The following MAP3K13 variants were observed in gnomAD, a reference collection of about 807,000 sequenced individuals.
MAP3K13 encodes mitogen-activated protein kinase kinase kinase 13.
Under a neutral mutation model 104.0 loss-of-function variants are expected in MAP3K13, and 52 were observed. The ratio of observed to expected loss-of-function variants is 0.50; its 90% confidence interval spans 0.40 to 0.63. The LOEUF is 0.63. Ranked by LOEUF, MAP3K13 falls within the 20% of genes least tolerant of loss-of-function variation. The pLI, the probability that MAP3K13 is intolerant of heterozygous loss-of-function variation, is 0.00. For missense variants in MAP3K13, 914 were observed against 1,218.5 expected (o/e 0.75, Z 3.72); for synonymous variants, 394 against 442.2 (o/e 0.89, Z 1.37).
At position 185,482,462 on chromosome 3, in the gene MAP3K13, G is replaced by T. The variant is rs1718521162; in HGVS notation, c.*6G>T. ...ACAGCTCTGCTACCTGGTAATGAAGGAATACACATCCTGAAGATCTCGTGA... is the reference window on the plus strand; with the variant it reads ...ACAGCTCTGCTACCTGGTAATGAAGTAATACACATCCTGAAGATCTCGTGA... On this transcript the variant is annotated 3_prime_UTR_variant, in exon 14 of 14. Coordinates refer to ENST00000265026, the MANE Select transcript of MAP3K13 (RefSeq NM_004721.5). The surrounding 1 kb of genome is among the most constrained non-coding windows in gnomAD (Gnocchi z 4.5). The T allele has an allele frequency of 6.3e-7, 1 of 1,598,946 alleles. No homozygotes were observed. The highest frequency in any genetic ancestry group is 8.6e-7 in the Non-Finnish European group (1 of 1,166,522).
chr3:185,452,806 A>G (rs572090382), intron 7 of MAP3K13, among the ~76,000 whole-genome samples: 45 of 152,266 alleles, frequency 3.0e-4, no homozygotes, highest in African/African-American at 1.0e-3. Flanking sequence ...GCTTGTTCAC[A>G]TAGTGTTCTC....
chr3:185,346,821 G>A (rs1206306097), intron 2 of MAP3K13, among the ~76,000 whole-genome samples: 1 of 151,986 alleles, frequency 6.6e-6, no homozygotes, highest in African/African-American at 2.4e-5. Flanking sequence ...AAGGGTGCAA[G>A]ATTTTTTCTG....
chr3:185,470,822 T>TA (rs1717731485), intron 10 of MAP3K13, among the ~76,000 whole-genome samples: 1 of 152,172 alleles, frequency 6.6e-6, no homozygotes, highest in South Asian at 2.1e-4. Context: ...AGATAACAAT[T>TA]AAAAATATAA....
intron 2 of MAP3K13, among the ~76,000 whole-genome samples, chr3:185,329,521 T>C (rs1722167670): frequency 6.6e-6 from 1 of 152,262 alleles, no homozygotes; most frequent in South Asian, 2.1e-4. Context: ...GGAAGAACTT[T>C]GTAAAACAGA....
At chr3:185,291,727 G>T (rs1463289143) in intron 2 of MAP3K13, 10 of 1,508,300 alleles carry the variant, frequency 6.6e-6, no homozygotes, top group Non-Finnish European at 8.8e-6. Context: ...AGTCTCATCT[G>T]CATTAAAGCT....
In MAP3K13 at chr3:185,411,940, C is replaced by T. The variant is rs946746794; in HGVS notation, c.-85-16557C>T. Among the ~76,000 whole-genome samples the T allele has an allele frequency of 3.3e-5, 5 of 151,918 alleles. No individual in the cohort carries two copies. In the East Asian group the frequency reaches 7.7e-4, roughly 24 times the overall value. On this transcript the variant is annotated intron_variant, in intron 1 of 13. Transcript: ENST00000265026. ...GCTGGGACTACAGGTGTGTACAACA[C>T]GCCCAACTAATTTTTGTATTTTTAG...
At chr3:185,426,628 CT>C (rs754534664) in intron 1 of MAP3K13, among the ~76,000 whole-genome samples, 2 of 152,162 alleles carry the variant, frequency 1.3e-5, no homozygotes, top group African/African-American at 2.4e-5. Flanking sequence ...CCATTCATGT[CT>C]TTCTGCATGC....
rs185324150 is a variant in MAP3K13 at position 185,444,875 on chromosome 3, C to T, written c.851+1239C>T. Reference sequence around the variant, plus strand: ...GTATGAGCCTATAGTTCAAGCTACTCAGGAGGCTGAGGTGGGAGAATCACT... The same window carrying T: ...GTATGAGCCTATAGTTCAAGCTACTTAGGAGGCTGAGGTGGGAGAATCACT... On this transcript the variant is annotated intron_variant, in intron 4 of 13. Transcript: ENST00000265026. Among the ~76,000 whole-genome samples the T allele has an allele frequency of 9.9e-4, 151 of 152,002 alleles. 1 individual carries two copies. The highest frequency in any genetic ancestry group is 3.5e-3 in the African/African-American group (147 of 41,482).
At chr3:185,424,530 C>A (rs984142001) in intron 1 of MAP3K13, among the ~76,000 whole-genome samples, 12 of 152,170 alleles carry the variant, frequency 7.9e-5, no homozygotes, top group African/African-American at 2.9e-4. Context: ...TATACACCAG[C>A]TTTTAAGAGC....
At chr3:185,416,115 G>A (rs1336095972) in intron 1 of MAP3K13, among the ~76,000 whole-genome samples, 1 of 152,118 alleles carries the variant, frequency 6.6e-6, no homozygotes, top group African/African-American at 2.4e-5. Flanking sequence ...GTATCTCACT[G>A]TTTATTGATT....
chr3:185,436,943 G>A (rs1446652237), intron 2 of MAP3K13, among the ~76,000 whole-genome samples: 1 of 131,650 alleles, frequency 7.6e-6, no homozygotes, highest in Non-Finnish European at 1.6e-5. Context: ...AGAGGTTGCA[G>A]TGAGCTGAGA....
At chr3:185,326,039 T>C (rs570867063) in intron 2 of MAP3K13, among the ~76,000 whole-genome samples, 1 of 152,272 alleles carries the variant, frequency 6.6e-6, no homozygotes, top group African/African-American at 2.4e-5. Context: ...AGCTCAAACT[T>C]CCCTCCTTCT....
chr3:185,434,152 A>G (rs1000824931), intron 2 of MAP3K13, among the ~76,000 whole-genome samples: 1 of 152,188 alleles, frequency 6.6e-6, no homozygotes, highest in Non-Finnish European at 1.5e-5. Context: ...TTGTTCAAAA[A>G]TAATAAAATT....
At chr3:185,481,172 A>G (rs1718428396) in intron 13 of MAP3K13, 1 of 153,368 alleles carries the variant, frequency 6.5e-6, no homozygotes, top group Non-Finnish European at 1.5e-5. Flanking sequence ...CCTATCTCCC[A>G]ACACGGTTAA....
rs1231541759 is a variant in MAP3K13 at position 185,370,991 on chromosome 3, GA to G, written c.-86+7629del. The stretch of plus-strand genomic sequence containing the variant: ...TGAAGGATGAAGACTATATTAAATT[GA>G]AAAAATGAAGACCCACTAAATTCAT... On this transcript the variant is annotated intron_variant, in intron 1 of 13. Coordinates refer to ENST00000265026, the MANE Select transcript of MAP3K13 (RefSeq NM_004721.5). Among the ~76,000 whole-genome samples, 4 of 151,872 alleles carry G rather than the reference GA, an allele frequency of 2.6e-5. No homozygotes were observed. In the East Asian group the frequency reaches 7.7e-4, roughly 29 times the overall value.
intron 2 of MAP3K13, among the ~76,000 whole-genome samples, chr3:185,298,463 CAT>C (rs1720991953): frequency 6.6e-6 from 1 of 152,130 alleles, no homozygotes; most frequent in Admixed American, 6.5e-5. Flanking sequence ...TTATGTATAA[CAT>C]GTTGCTGATT....
At chr3:185,445,945 C>T (rs1715567649) in intron 4 of MAP3K13, among the ~76,000 whole-genome samples, 1 of 152,188 alleles carries the variant, frequency 6.6e-6, no homozygotes, top group African/African-American at 2.4e-5. Flanking sequence ...GATATCAATT[C>T]TCCAATTCTC....
rs956807763 is a variant in MAP3K13 at position 185,407,671 on chromosome 3, AG to A, written c.-85-20821del. 2.1e-4 allele frequency among the ~76,000 whole-genome samples: 32 copies of A among 152,198 alleles called. No individual in the cohort carries two copies. The East Asian group carries it at 4.1e-3, about 19-fold the overall frequency. On this transcript the variant is annotated intron_variant, in intron 1 of 13. Coordinates refer to ENST00000265026, the MANE Select transcript of MAP3K13 (RefSeq NM_004721.5). ...TTTGCCAATTTCAGCGGTGGAATTA[AG>A]GGGGAAGAAAGCTCAAGTGTGTTCC... is the stretch of plus-strand genomic sequence containing the variant.
chr3:185,368,781 A>G (rs1035486412), intron 1 of MAP3K13, among the ~76,000 whole-genome samples: 6 of 151,972 alleles, frequency 3.9e-5, no homozygotes, highest in African/African-American at 7.3e-5. Flanking sequence ...ACACGGAGAA[A>G]CCCTGTCTCT....
Sources: gnomAD v4.1 joint callset for allele counts (sites outside exome capture counted in the v4.1 genomes callset) on GRCh38, gnomAD v4.1.1 for gene constraint, Gnocchi (gnomAD v3.1) non-coding constraint, MANE v1.5 for transcripts, NCBI Gene and HGNC (gene_info 2026-07-23, HGNC 2026-07-21) for gene names.